HERC2: variants seen among roughly 807,000 people sequenced by gnomAD.
HERC2 encodes HECT and RLD domain containing E3 ubiquitin protein ligase 2, also known as E3 ubiquitin-protein ligase HERC2.
In HERC2, 102 loss-of-function variants were observed where a neutral mutation model predicts 537.7. The observed-to-expected ratio is 0.19, with a 90% CI of 0.16 to 0.22. The LOEUF (loss-of-function observed/expected upper bound fraction) is 0.22, where lower values mean the gene tolerates loss of function less well. HERC2 is among the 10% of genes least tolerant of loss of function. The pLI is 1.00. For synonymous variants in HERC2, 2,224 were observed against 2,466.2 expected, an observed-to-expected ratio of 0.90 and a Z score of 2.91; for missense variants, 4,236 against 6,198.2, an observed-to-expected ratio of 0.68 and a Z score of 10.63.
intron 89 of HERC2, among the ~76,000 whole-genome samples, chr15:28,115,012 C>G (rs1888060507): frequency 6.8e-6 from 1 of 147,506 alleles, no homozygotes; most frequent in Non-Finnish European, 1.5e-5. Context: ...CACAATTCAG[C>G]CAAATGCTTA....
rs761381610 is a variant in HERC2 at position 28,144,065 on chromosome 15, G to A, written c.11299+12C>T. On this transcript the variant is annotated intron_variant, in intron 73 of 92. Coordinates refer to ENST00000261609, the MANE Select transcript of HERC2 (RefSeq NM_004667.6). Reference sequence around the variant, plus strand: ...GCAGGAAGACAGATGTAACTGTAATGGTGGCATTTACCTAGGGCACTCAGC... The same window carrying A: ...GCAGGAAGACAGATGTAACTGTAATAGTGGCATTTACCTAGGGCACTCAGC... The A allele has an allele frequency of 4.3e-6, 7 of 1,614,142 alleles. No homozygotes were observed. The South Asian group carries it at 6.6e-5, about 15-fold the overall frequency.
intron 70 of HERC2, among the ~76,000 whole-genome samples, chr15:28,150,950 T>C (rs967917306): frequency 5.9e-5 from 9 of 152,144 alleles, no homozygotes; most frequent in African/African-American, 2.2e-4. Context: ...AGGAATTCAC[T>C]AGAGTCCACT....
intron 4 of HERC2, among the ~76,000 whole-genome samples, chr15:28,284,949 A>AT (rs2076117767): frequency 6.8e-6 from 1 of 147,476 alleles, no homozygotes. Context: ...AAAAAAAAAA[A>AT]GATAATTACC....
At chr15:28,251,992 T>C (rs553109970) in intron 20 of HERC2, among the ~76,000 whole-genome samples, 61 of 152,322 alleles carry the variant, frequency 4.0e-4, no homozygotes, top group African/African-American at 1.4e-3. Flanking sequence ...GATATTTGCA[T>C]TGAAAATATC....
Position 28,179,197 on chromosome 15 carries a change from T to G in HERC2, c.8964A>C (p.Thr2988=). 6.2e-7 allele frequency: 1 copy of G among 1,611,914 alleles called. No individual in the cohort carries two copies. Among genetic ancestry groups the G allele is most frequent in the South Asian group, 1.1e-5 (1 of 90,236 alleles). Residue 2988 remains threonine (T), a synonymous_variant, in exon 58 of 93, where the codon ACA becomes ACC. Transcript: ENST00000261609. ...SKIKVPSFSE[T]LSALNVVQVA... is the part of the protein sequence containing the mutation. ...CCTGTACCACATTCAAAGCTGACAGTGTCTCAGAGAACGAAGGAACCTTTA... is the reference window on the plus strand; with the variant it reads ...CCTGTACCACATTCAAAGCTGACAGGGTCTCAGAGAACGAAGGAACCTTTA...
chr15:28,163,415 CT>C, intron 68 of HERC2, 130 bp from the exon 69 acceptor site: 2 of 748,054 alleles, frequency 2.7e-6, no homozygotes, highest in Non-Finnish European at 4.2e-6. Context: ...TGTTTAAGAC[CT>C]TAAGAAACAG....
At position 28,163,529 on chromosome 15, in the gene HERC2, C is replaced by T. The variant is rs79064135; in HGVS notation, c.10555-244G>A. Among the ~76,000 whole-genome samples the T allele has an allele frequency of 2.2e-4, 33 of 152,262 alleles. No individual in the cohort carries two copies. In the East Asian group the frequency reaches 4.8e-3, roughly 22 times the overall value. ...AATGGCATTTATCAAAAAGGGATGA[C>T]TTAAGCTATAAAGAAATGACAATTT... On this transcript the variant is annotated intron_variant, in intron 68 of 92. Transcript: ENST00000261609.
At chr15:28,319,352 G>A (rs1454726001) in intron 2 of HERC2, among the ~76,000 whole-genome samples, 3 of 152,016 alleles carry the variant, frequency 2.0e-5, no homozygotes, top group Non-Finnish European at 4.4e-5. Flanking sequence ...TTGGGAGGCC[G>A]AGGCAGGCAG....
chr15:28,254,432 A>T lies in HERC2; in HGVS notation c.2958T>A (p.Thr986=), dbSNP rs1239787851. Reference sequence around the variant, plus strand: ...TATTAATAAGGTCTTTATCCAGTGGAGTCCTGCTTCTATGAAATGTTGAGG... The same window carrying T: ...TATTAATAAGGTCTTTATCCAGTGGTGTCCTGCTTCTATGAAATGTTGAGG... ...ANASTFHRSR[T]PLDKDLINTG... Residue 986 remains threonine, a synonymous_variant, in exon 20 of 93, where the codon ACT becomes ACA. Transcript: ENST00000261609. The T allele has an allele frequency of 3.7e-6, 6 of 1,608,508 alleles. No homozygotes were observed. In the Admixed American group the frequency reaches 8.5e-5, roughly 23 times the overall value.
intron 20 of HERC2, among the ~76,000 whole-genome samples, 166 bp from the exon 21 acceptor site, chr15:28,248,902 C>T (rs1903985154): frequency 6.6e-6 from 1 of 152,226 alleles, no homozygotes; most frequent in South Asian, 2.1e-4. Context: ...GCAACAAGCG[C>T]AACCTCAGCC....
chr15:28,250,067 T>G, intron 20 of HERC2, among the ~76,000 whole-genome samples: 1 of 88,208 alleles, frequency 1.1e-5, no homozygotes, highest in Non-Finnish European at 2.2e-5. Flanking sequence ...ACCCGCCCCG[T>G]TGAGCCAGGA....
In HERC2 at chr15:28,117,098, G is replaced by A. The variant is rs769323259; in HGVS notation, c.13329C>T (p.Val4443=). ...TCATCTTAGCACACATCTGCCCAAA[G>A]ACAGACTTGGTGCCGTCGGGGCCGG... ...GLAGPDGTKS[V]FGQMCAKMSS... The change falls in exon 87 of 93, where the codon GTC becomes GTT. Residue 4443 remains valine (V), a synonymous_variant. Transcript: ENST00000261609. 1.2e-6 allele frequency: 2 copies of A among 1,614,160 alleles called. No homozygotes were observed. Among genetic ancestry groups the A allele is most frequent in the Admixed American group, 1.7e-5 (1 of 60,026 alleles).
chr15:28,185,529 C>G (rs1011854408), intron 56 of HERC2, among the ~76,000 whole-genome samples: 1 of 152,222 alleles, frequency 6.6e-6, no homozygotes, highest in African/African-American at 2.4e-5. Flanking sequence ...TTGTTATTAT[C>G]CACTATTATC....
rs750947260 is a variant in HERC2 at position 28,248,620 on chromosome 15, C to A, written c.3167G>T (p.Arg1056Leu). The stretch of plus-strand genomic sequence containing the variant: ...TTTACTAATAAGCAAACGTTGAAAA[C>A]GCAGTAACAAATCCAATGAAGCAGA... ...ERSASLDLLLRFQRLLISKLY... is the reference protein window; with the variant it reads ...ERSASLDLLLLFQRLLISKLY... Residue 1056 changes from arginine to leucine, a missense_variant, in exon 21 of 93, where the codon CGT (arginine) becomes CTT (leucine). Coordinates refer to ENST00000261609, the MANE Select transcript of HERC2 (RefSeq NM_004667.6). The A allele has an allele frequency of 6.2e-7, 1 of 1,613,810 alleles. No homozygotes were observed. Among genetic ancestry groups the A allele is most frequent in the African/African-American group, 1.3e-5 (1 of 74,922 alleles).
Position 28,124,237 on chromosome 15 carries a change from A to G in HERC2, c.12991-3T>C. 1 of 1,456,042 alleles carries G rather than the reference A, an allele frequency of 6.9e-7. No homozygotes were observed. The highest frequency in any genetic ancestry group is 9.1e-7 in the Non-Finnish European group (1 of 1,096,700). 90.2% of individuals were successfully genotyped at this position (1,456,042 alleles called of 1,614,324 possible). A position where few individuals can be genotyped will look rare whatever the true frequency, so the allele number is the denominator to read the frequency against. On this transcript the variant is annotated splice_region_variant and splice_polypyrimidine_tract_variant and intron_variant, in intron 84 of 92. Coordinates refer to ENST00000261609, the MANE Select transcript of HERC2 (RefSeq NM_004667.6). ...AGGTGATTGTACTCCATGGGGACCT[A>G]GAACACAGAAATGGCCTTCAGCCCC...
chr15:28,303,183 A>G (rs908460607), intron 2 of HERC2, among the ~76,000 whole-genome samples: 1 of 152,216 alleles, frequency 6.6e-6, no homozygotes, highest in African/African-American at 2.4e-5. Flanking sequence ...ATTTTCGTAT[A>G]TGGTGAGAGA....
At chr15:28,264,565 C>T (rs1025368478) in intron 14 of HERC2, among the ~76,000 whole-genome samples, 1 of 152,166 alleles carries the variant, frequency 6.6e-6, no homozygotes, top group African/African-American at 2.4e-5. Flanking sequence ...ACAGCAGGGA[C>T]ACTTCCCTAC....
At chr15:28,160,697 T>C (rs534874161) in intron 69 of HERC2, among the ~76,000 whole-genome samples, 18 of 152,328 alleles carry the variant, frequency 1.2e-4, no homozygotes, top group Non-Finnish European at 2.1e-4. Flanking sequence ...AGGCGATGCC[T>C]CGCCCTGCTT....
chr15:28,131,739 C>T (rs1391141650), intron 81 of HERC2, among the ~76,000 whole-genome samples: 2 of 152,084 alleles, frequency 1.3e-5, no homozygotes, highest in Non-Finnish European at 2.9e-5. Context: ...AAGCGCGTGC[C>T]GTGGCAACTC....
Sources: allele counts gnomAD v4.1 joint callset (sites outside exome capture counted in the v4.1 genomes callset), GRCh38; gene constraint gnomAD v4.1.1; transcripts MANE v1.5; gene names NCBI Gene and HGNC (gene_info 2026-07-23, HGNC 2026-07-21).